STIM1: variants seen among roughly 807,000 people sequenced by gnomAD.
STIM1 encodes the protein stromal interaction molecule 1.
A neutral mutation model predicts 74.7 loss-of-function variants in STIM1; 25 were observed. The ratio of observed to expected loss-of-function variants is 0.33; its 90% CI spans 0.24 to 0.47. STIM1 has a LOEUF of 0.47. STIM1 is among the 20% of genes least tolerant of loss of function. The pLI is 1.00. For synonymous variants in STIM1, 328 were observed against 348.8 expected (o/e 0.94, Z 0.66); for missense variants, 728 against 920.8 (o/e 0.79, Z 2.71).
At chr11:3,871,086 T>C (rs150966491) in intron 1 of STIM1, among the ~76,000 whole-genome samples, 5 of 152,036 alleles carry the variant, frequency 3.3e-5, no homozygotes, top group Non-Finnish European at 5.9e-5. Flanking sequence ...TTAGCTAGGA[T>C]GGTATCTCTT....
chr11:4,092,089 C>G lies in STIM1; in HGVS notation c.*291C>G, dbSNP rs1228992197. 6.2e-6 allele frequency: 3 copies of G among 485,278 alleles called. No individual in the cohort carries two copies. Among genetic ancestry groups the G allele is most frequent in the African/African-American group, 5.8e-5 (3 of 51,610 alleles). The allele number at this position is 485,278 out of a possible 1,614,324, so 30.1% of individuals were successfully genotyped here. A position where few individuals can be genotyped will look rare whatever the true frequency, so the allele number is the denominator to read the frequency against. ...GTTGCTGTTCCCTCAGCTCCCAGCT[C>G]CACCTCTGGGGTTCAGCTTCTGTCT... On this transcript the variant is annotated 3_prime_UTR_variant, in exon 13 of 13. Coordinates refer to ENST00000526596, the MANE Select transcript of STIM1 (RefSeq NM_001382567.1).
At chr11:4,041,876 C>T (rs1005768936) in intron 3 of STIM1, among the ~76,000 whole-genome samples, 12 of 152,162 alleles carry the variant, frequency 7.9e-5, no homozygotes, top group Non-Finnish European at 1.8e-4. Flanking sequence ...TGTGAGCCAC[C>T]GTGCTTGGCC....
chr11:4,084,139 CA>C (rs1394553277), intron 10 of STIM1, among the ~76,000 whole-genome samples: 2 of 152,164 alleles, frequency 1.3e-5, no homozygotes. Context: ...AGAGCAGAGC[CA>C]AAAGGAACAA....
At chr11:4,006,516 G>A (rs952266597) in intron 2 of STIM1, among the ~76,000 whole-genome samples, 4 of 152,210 alleles carry the variant, frequency 2.6e-5, no homozygotes, top group African/African-American at 9.7e-5. Flanking sequence ...CTGGGTTCAA[G>A]CGATTCTCCT....
intron 5 of STIM1, among the ~76,000 whole-genome samples, chr11:4,060,672 A>G (rs924229364): frequency 6.6e-6 from 1 of 152,224 alleles, no homozygotes; most frequent in Non-Finnish European, 1.5e-5. Context: ...CCAGTCATTC[A>G]CTAACCTTTA....
At chr11:4,051,297 T>G (rs1435342248) in intron 3 of STIM1, among the ~76,000 whole-genome samples, 1 of 152,126 alleles carries the variant, frequency 6.6e-6, no homozygotes, top group Non-Finnish European at 1.5e-5. Context: ...ACTTTTAGCT[T>G]ATTTCCAAAA....
intron 1 of STIM1, chr11:3,887,969 CAAA>C (rs71047183): frequency 6.7e-5 from 7 of 104,918 alleles, no homozygotes; most frequent in Admixed American, 9.7e-5. Flanking sequence ...GACTCTGTCT[CAAA>C]AAAAAAAAAA....
intron 1 of STIM1, among the ~76,000 whole-genome samples, chr11:3,952,900 G>C (rs2093166563): frequency 6.6e-6 from 1 of 152,220 alleles, no homozygotes; most frequent in African/African-American, 2.4e-5. Context: ...TGGGCAAAGG[G>C]TATCATAACA....
chr11:3,859,079 C>G (rs2090499290), intron 1 of STIM1, among the ~76,000 whole-genome samples: 1 of 152,130 alleles, frequency 6.6e-6, no homozygotes, highest in African/African-American at 2.4e-5. Flanking sequence ...TTTTTCTGCT[C>G]TGGAGAGTCT....
intron 10 of STIM1, 23 bp downstream of exon 10, chr11:4,083,521 T>G (rs771053822): frequency 3.1e-6 from 5 of 1,598,094 alleles, no homozygotes; most frequent in Non-Finnish European, 4.3e-6. Flanking sequence ...TTTGCGGGGA[T>G]GAAGGAAGGA....
rs1253138742 is a variant in STIM1 at position 4,086,478 on chromosome 11, C to T, written c.1569C>T (p.Ala523=). The change falls in exon 12 of 13, where the codon GCC becomes GCT. Residue 523 remains alanine (A), a splice_region_variant and synonymous_variant. Transcript: ENST00000526596. Reference sequence around the variant, plus strand: ...ACACTTTCTTTATTCTCCTTGCAGCCCCTAGCCTGCAGAGCAGTGTTCGGC... The same window carrying T: ...ACACTTTCTTTATTCTCCTTGCAGCTCCTAGCCTGCAGAGCAGTGTTCGGC... The part of the protein sequence containing the change: ...SDDQSLWKYP[A]PSLQSSVRQR... 1 of 1,614,034 alleles carries T rather than the reference C, an allele frequency of 6.2e-7. No individual in the cohort carries two copies. The highest frequency in any genetic ancestry group is 8.5e-7 in the Non-Finnish European group (1 of 1,180,004).
chr11:3,900,527 G>A (rs1196423458), intron 1 of STIM1, among the ~76,000 whole-genome samples: 12 of 152,328 alleles, frequency 7.9e-5, no homozygotes, highest in Admixed American at 5.9e-4. Flanking sequence ...CTTCTGCAGC[G>A]CTCATGCTGG....
intron 2 of STIM1, among the ~76,000 whole-genome samples, chr11:3,990,583 C>G (rs1307089306): frequency 2.6e-5 from 4 of 152,148 alleles, no homozygotes; most frequent in Non-Finnish European, 4.4e-5. Context: ...TATAAGGGAT[C>G]TGTTCTCTCC....
intron 2 of STIM1, among the ~76,000 whole-genome samples, chr11:4,002,662 A>G (rs1438366533): frequency 3.3e-5 from 5 of 150,608 alleles, no homozygotes; most frequent in African/African-American, 1.2e-4. Flanking sequence ...ACACCCTAAC[A>G]TCACAATTAA....
At chr11:3,907,548 G>T (rs550181915) in intron 1 of STIM1, among the ~76,000 whole-genome samples, 1 of 152,184 alleles carries the variant, frequency 6.6e-6, no homozygotes, top group Admixed American at 6.6e-5. Context: ...TGCCTGGTGA[G>T]ATAATAGCCT....
intron 3 of STIM1, among the ~76,000 whole-genome samples, chr11:4,038,462 T>C (rs1338834785): frequency 2.0e-5 from 3 of 152,134 alleles, no homozygotes; most frequent in Admixed American, 6.6e-5. Flanking sequence ...TTCATTTCCC[T>C]CTCTCAAGCT....
intron 7 of STIM1, among the ~76,000 whole-genome samples, chr11:4,076,660 G>A (rs1279129081): frequency 1.3e-5 from 2 of 150,536 alleles, no homozygotes; most frequent in Non-Finnish European, 3.0e-5. Flanking sequence ...TATGTGATAT[G>A]AGGTAGGCTG....
At chr11:4,017,896 A>T (rs1590651754) in intron 2 of STIM1, among the ~76,000 whole-genome samples, 1 of 152,176 alleles carries the variant, frequency 6.6e-6, no homozygotes, top group Non-Finnish European at 1.5e-5. Flanking sequence ...TCCCTTTTAT[A>T]GTCTACTTTT....
chr11:3,892,541 G>A (rs2091927425), intron 1 of STIM1: 1 of 1,597,632 alleles, frequency 6.3e-7, no homozygotes, highest in African/African-American at 1.3e-5. Flanking sequence ...AGTCTTGGCA[G>A]TGCAGATGAA....
Sources: gnomAD v4.1 joint callset for allele counts (sites outside exome capture counted in the v4.1 genomes callset) on GRCh38, gnomAD v4.1.1 for gene constraint, MANE v1.5 for transcripts, NCBI Gene and HGNC (gene_info 2026-07-23, HGNC 2026-07-21) for gene names.